COL25A1: variants seen among roughly 807,000 people sequenced by gnomAD.
The protein encoded by COL25A1 is collagen type XXV alpha 1 chain, also known as collagen alpha-1(XXV) chain.
A neutral mutation model predicts 128.4 loss-of-function variants in COL25A1; 103 were observed. The ratio of observed to expected loss-of-function variants is 0.80; its 90% CI spans 0.68 to 0.94. The LOEUF is 0.94. COL25A1 is among the 40% of genes least tolerant of loss of function. The pLI is 0.00. For missense variants in COL25A1, 745 were observed against 840.0 expected (o/e 0.89, Z 1.40); for synonymous variants, 279 against 277.2 (o/e 1.01, Z -0.06).
intron 11 of COL25A1, among the ~76,000 whole-genome samples, chr4:108,928,712 T>C (rs1379918714): frequency 2.0e-5 from 3 of 151,988 alleles, no homozygotes; most frequent in African/African-American, 7.3e-5. Context: ...CTAATTTTTG[T>C]TTTTGTTTGT....
intron 3 of COL25A1, among the ~76,000 whole-genome samples, chr4:109,076,487 G>A (rs1360418196): frequency 6.6e-6 from 1 of 152,110 alleles, no homozygotes; most frequent in African/African-American, 2.4e-5. Context: ...CACTTTGCAT[G>A]TGATTCCTAA....
intron 5 of COL25A1, among the ~76,000 whole-genome samples, chr4:109,019,375 CATATAT>C (rs57842656): frequency 1.0e-4 from 5 of 48,882 alleles, no homozygotes; most frequent in African/African-American, 2.7e-4. Flanking sequence ...CACACACACA[CATATAT>C]ATATATATAT....
intron 3 of COL25A1, among the ~76,000 whole-genome samples, chr4:109,110,811 G>A (rs1468529506): frequency 6.6e-6 from 1 of 152,190 alleles, no homozygotes; most frequent in Non-Finnish European, 1.5e-5. Context: ...CATCAGTTCT[G>A]GAGAACATAT....
At chr4:108,914,066 A>G (rs891958888) in intron 13 of COL25A1, among the ~76,000 whole-genome samples, 2 of 152,212 alleles carry the variant, frequency 1.3e-5, no homozygotes, top group Admixed American at 6.5e-5. Flanking sequence ...GAAGAAATAG[A>G]TAACATTTTA....
intron 3 of COL25A1, among the ~76,000 whole-genome samples, chr4:109,190,278 A>G (rs1223349453): frequency 2.0e-5 from 3 of 152,256 alleles, no homozygotes; most frequent in Non-Finnish European, 2.9e-5. Context: ...TCATGGATAT[A>G]CAAATGAGAT....
intron 3 of COL25A1, among the ~76,000 whole-genome samples, chr4:109,271,520 G>A (rs552398404): frequency 2.6e-5 from 4 of 152,300 alleles, no homozygotes; most frequent in Non-Finnish European, 5.9e-5. Flanking sequence ...CATCCACCCT[G>A]TCTTCACAGT....
intron 3 of COL25A1, among the ~76,000 whole-genome samples, chr4:109,239,071 G>A (rs1779658448): frequency 6.6e-6 from 1 of 151,900 alleles, no homozygotes; most frequent in African/African-American, 2.4e-5. Context: ...GGTTTCTACT[G>A]ATGGAAATCT....
At chr4:108,904,700 T>G (rs1319490708) in intron 13 of COL25A1, among the ~76,000 whole-genome samples, 2 of 152,056 alleles carry the variant, frequency 1.3e-5, no homozygotes, top group East Asian at 3.9e-4. Context: ...TGAACACATT[T>G]CATACTTAAA....
chr4:109,154,340 T>C (rs1771827540), intron 3 of COL25A1, among the ~76,000 whole-genome samples: 1 of 152,234 alleles, frequency 6.6e-6, no homozygotes, highest in Non-Finnish European at 1.5e-5. Context: ...ATCTGTCTTC[T>C]ACAGTTTATG....
At chr4:108,898,004 T>C (rs752681921) in intron 15 of COL25A1, among the ~76,000 whole-genome samples, 1 of 152,198 alleles carries the variant, frequency 6.6e-6, no homozygotes, top group Non-Finnish European at 1.5e-5. Flanking sequence ...CAGTGACTAA[T>C]TAATTTCAGG....
chr4:109,185,115 A>G (rs1775016257), intron 3 of COL25A1, among the ~76,000 whole-genome samples: 1 of 152,218 alleles, frequency 6.6e-6, no homozygotes, highest in African/African-American at 2.4e-5. Context: ...GCTTAAAAAA[A>G]GTATGGCTAG....
In COL25A1 at chr4:109,254,469, T is replaced by TTTTA. The variant is rs1357197026; in HGVS notation, c.367+46113_367+46114insTAAA. Among the ~76,000 whole-genome samples, 38 of 59,582 alleles carry TTTTA rather than the reference T, an allele frequency of 6.4e-4. 1 individual carries two copies. The highest frequency in any genetic ancestry group is 3.2e-3 in the East Asian group (5 of 1,574). 39.1% of individuals were successfully genotyped at this position (59,582 alleles called of 152,430 possible). A position where few individuals can be genotyped will look rare whatever the true frequency, so the allele number is the denominator to read the frequency against. ...GTGCTATGTACATGTAGGCATATGTTTATATATATATATATATATATATAT... is the reference window on the plus strand; with the variant it reads ...GTGCTATGTACATGTAGGCATATGTTTTTATATATATATATATATATATATATAT... On this transcript the variant is annotated intron_variant, in intron 3 of 37. Coordinates refer to ENST00000399132, the MANE Select transcript of COL25A1 (RefSeq NM_198721.4).
At chr4:108,984,023 T>A (rs1452391832) in intron 6 of COL25A1, among the ~76,000 whole-genome samples, 1 of 152,112 alleles carries the variant, frequency 6.6e-6, no homozygotes, top group Non-Finnish European at 1.5e-5. Context: ...GAGTGGTCTG[T>A]TTTGACAGGG....
rs1379723691 is a variant in COL25A1 at position 109,253,186 on chromosome 4, C to T, written c.367+47397G>A. On this transcript the variant is annotated intron_variant, in intron 3 of 37. Coordinates refer to ENST00000399132, the MANE Select transcript of COL25A1 (RefSeq NM_198721.4). ...ACCAAAATCTGTATTACGCAGGATT[C>T]TTCTGAGAAACAGAGCCAATATGAT... 4.6e-5 allele frequency among the ~76,000 whole-genome samples: 7 copies of T among 152,172 alleles called. No individual in the cohort carries two copies. In the East Asian group the frequency reaches 1.3e-3, roughly 29 times the overall value.
At chr4:109,005,797 G>T (rs1436330468) in intron 6 of COL25A1, among the ~76,000 whole-genome samples, 1 of 152,162 alleles carries the variant, frequency 6.6e-6, no homozygotes, top group Non-Finnish European at 1.5e-5. Context: ...AAAGAAGACA[G>T]GGAGTGAAAG....
intron 5 of COL25A1, among the ~76,000 whole-genome samples, chr4:109,027,788 G>A (rs1428279994): frequency 2.0e-5 from 3 of 152,090 alleles, no homozygotes; most frequent in African/African-American, 7.2e-5. Context: ...GTTGACCAGA[G>A]CAATTAGAGC....
intron 5 of COL25A1, among the ~76,000 whole-genome samples, chr4:109,015,862 T>A (rs1757160759): frequency 1.3e-5 from 2 of 152,320 alleles, no homozygotes; most frequent in South Asian, 4.1e-4. Flanking sequence ...CAATATTAAC[T>A]ATTCTTTGTT....
intron 24 of COL25A1, among the ~76,000 whole-genome samples, chr4:108,858,779 T>A (rs1736818018): frequency 6.6e-6 from 1 of 151,524 alleles, no homozygotes; most frequent in Non-Finnish European, 1.5e-5. Context: ...ACAGACAAAT[T>A]AGAAACACCA....
At chr4:109,151,819 G>T (rs956864261) in intron 3 of COL25A1, among the ~76,000 whole-genome samples, 2 of 152,082 alleles carry the variant, frequency 1.3e-5, no homozygotes, top group Middle Eastern at 3.2e-3. Context: ...GATTGCATCA[G>T]GCAATATAGG....
Sources: gnomAD v4.1 joint callset for allele counts (sites outside exome capture counted in the v4.1 genomes callset) on GRCh38, gnomAD v4.1.1 for gene constraint, MANE v1.5 for transcripts, NCBI Gene and HGNC (gene_info 2026-07-23, HGNC 2026-07-21) for gene names.